Variants in ROBO2 observed in about 807,000 individuals in gnomAD.
ROBO2 encodes the protein roundabout homolog 2.
Under a neutral mutation model 160.8 loss-of-function variants are expected in ROBO2, and 53 were observed. That is an observed-to-expected ratio of 0.33 (90% CI 0.26 to 0.41). The LOEUF (loss-of-function observed/expected upper bound fraction) is 0.41, where lower values mean the gene tolerates loss of function less well. ROBO2 is among the 10% of genes least tolerant of loss of function. ROBO2 has a pLI of 1.00. For missense variants in ROBO2, 1,577 were observed against 1,722.4 expected (o/e 0.92, Z 1.49); for synonymous variants, 664 against 611.7 (o/e 1.09, Z -1.26).
chr3:76,198,432 C>T (rs1463128793), intron 2 of ROBO2, among the ~76,000 whole-genome samples: 4 of 152,198 alleles, frequency 2.6e-5, no homozygotes, highest in African/African-American at 9.6e-5. Flanking sequence ...TATAGCATCA[C>T]ATGGCAGACT....
chr3:76,495,517 A>G (rs969252950), intron 2 of ROBO2, among the ~76,000 whole-genome samples: 1 of 152,006 alleles, frequency 6.6e-6, no homozygotes, highest in East Asian at 1.9e-4. Context: ...TTCACTAGCA[A>G]TCATCAATCT....
At chr3:77,367,024 C>T (rs538108430) in intron 2 of ROBO2, among the ~76,000 whole-genome samples, 2 of 152,026 alleles carry the variant, frequency 1.3e-5, no homozygotes, top group South Asian at 4.2e-4. Context: ...CAAATTGTAG[C>T]AATACATTGC....
At chr3:76,565,306 T>C (rs1018499431) in intron 2 of ROBO2, among the ~76,000 whole-genome samples, 4 of 152,312 alleles carry the variant, frequency 2.6e-5, no homozygotes, top group African/African-American at 9.6e-5. Context: ...TTGGAATAAC[T>C]TTACCTCAAT....
chr3:77,573,720 T>C (rs1245077482), intron 13 of ROBO2, among the ~76,000 whole-genome samples: 2 of 152,058 alleles, frequency 1.3e-5, no homozygotes, highest in Non-Finnish European at 2.9e-5. Context: ...ATCCTGCTCT[T>C]CTTGCCTATC....
chr3:77,198,234 A>G (rs2082487924), intron 2 of ROBO2, among the ~76,000 whole-genome samples: 1 of 152,170 alleles, frequency 6.6e-6, no homozygotes, highest in Admixed American at 6.5e-5. Flanking sequence ...TTCATCATAC[A>G]TTAAAGCAAG....
intron 2 of ROBO2, among the ~76,000 whole-genome samples, chr3:77,334,126 T>C (rs1463358018): frequency 3.3e-5 from 5 of 152,204 alleles, no homozygotes; most frequent in African/African-American, 1.2e-4. Flanking sequence ...GGAGAAGTGA[T>C]AGTTTTGATT....
At chr3:76,668,164 A>G (rs531463237) in intron 2 of ROBO2, among the ~76,000 whole-genome samples, 2 of 152,186 alleles carry the variant, frequency 1.3e-5, no homozygotes, top group South Asian at 2.1e-4. Context: ...TAGCGGCCCC[A>G]TTATGGCTCA....
chr3:76,521,565 C>T (rs1444937922), intron 2 of ROBO2, among the ~76,000 whole-genome samples: 1 of 152,082 alleles, frequency 6.6e-6, no homozygotes, highest in Non-Finnish European at 1.5e-5. Flanking sequence ...TTAAGATAAG[C>T]TCATCAAACT....
At chr3:77,041,522 G>A (rs2149616016) in intron 1 of ROBO2, among the ~76,000 whole-genome samples, 1 of 152,286 alleles carries the variant, frequency 6.6e-6, no homozygotes, top group East Asian at 1.9e-4. Context: ...TCTCCCTCTA[G>A]GTTGAGTCAG....
intron 2 of ROBO2, among the ~76,000 whole-genome samples, chr3:76,579,482 G>A (rs2108693686): frequency 6.6e-6 from 1 of 152,080 alleles, no homozygotes; most frequent in Admixed American, 6.6e-5. Context: ...AATATTTCTT[G>A]AAGAAATGAA....
chr3:76,467,933 T>C (rs2078448733), intron 2 of ROBO2, among the ~76,000 whole-genome samples: 1 of 152,166 alleles, frequency 6.6e-6, no homozygotes, highest in African/African-American at 2.4e-5. Context: ...AGTAGTATTT[T>C]TTTAAAAATT....
chr3:77,220,867 G>A (rs1339391118), intron 2 of ROBO2, among the ~76,000 whole-genome samples: 3 of 152,082 alleles, frequency 2.0e-5, no homozygotes, highest in Non-Finnish European at 4.4e-5. Context: ...CCTAAGTATT[G>A]CTATGTTGTA....
chr3:77,232,986 G>A (rs578234617), intron 2 of ROBO2, among the ~76,000 whole-genome samples: 2 of 152,176 alleles, frequency 1.3e-5, no homozygotes, highest in African/African-American at 2.4e-5. Flanking sequence ...TGCATCTGAG[G>A]CATATTGAAG....
intron 2 of ROBO2, among the ~76,000 whole-genome samples, chr3:76,395,019 ATACATTT>A (rs2077357999): frequency 6.6e-6 from 1 of 152,142 alleles, no homozygotes; most frequent in Admixed American, 6.6e-5. Context: ...TCAACAGAAT[ATACATTT>A]TTTTCAGCAC....
At chr3:76,005,025 G>T (rs1040571645) in intron 2 of ROBO2, among the ~76,000 whole-genome samples, 15 of 152,092 alleles carry the variant, frequency 9.9e-5, no homozygotes, top group Non-Finnish European at 7.4e-5. Flanking sequence ...ATAACTTAAG[G>T]CTGGGAGTTC....
At chr3:76,400,052 A>G (rs527613614) in intron 2 of ROBO2, among the ~76,000 whole-genome samples, 1 of 151,800 alleles carries the variant, frequency 6.6e-6, no homozygotes, top group African/African-American at 2.4e-5. Context: ...TTTCTGAAAC[A>G]TGATACCAAT....
At chr3:76,767,054 T>C (rs1299260297) in intron 2 of ROBO2, among the ~76,000 whole-genome samples, 1 of 151,304 alleles carries the variant, frequency 6.6e-6, no homozygotes, top group East Asian at 2.0e-4. Context: ...AAATGATAAA[T>C]ATAGGAAAAT....
At chr3:75,929,615 C>T (rs1947446940) in intron 1 of ROBO2, among the ~76,000 whole-genome samples, 3 of 152,046 alleles carry the variant, frequency 2.0e-5, no homozygotes, top group African/African-American at 7.2e-5. Context: ...TGTACTGTTC[C>T]TTTGAAACTC....
At chr3:76,474,328 T>A (rs12494897) in intron 2 of ROBO2, among the ~76,000 whole-genome samples, 28,611 of 152,080 alleles carry the variant, frequency 0.19, 2,985 homozygotes, top group Admixed American at 0.29. Flanking sequence ...CATTATTATA[T>A]ACCAGTATTT....
Sources: gnomAD v4.1 joint callset for allele counts (sites outside exome capture counted in the v4.1 genomes callset) on GRCh38, gnomAD v4.1.1 for gene constraint, MANE v1.5 for transcripts, NCBI Gene and HGNC (gene_info 2026-07-23, HGNC 2026-07-21) for gene names.